The following HSDL1 variants were observed in gnomAD, a reference collection of about 807,000 sequenced individuals.
The protein encoded by HSDL1 is hydroxysteroid dehydrogenase like 1.
HSDL1 carries 29 observed loss-of-function variants against 31.5 expected under a neutral mutation model. That is an observed-to-expected ratio of 0.92 (90% confidence interval 0.69 to 1.26). The LOEUF (loss-of-function observed/expected upper bound fraction) is 1.26, where lower values mean the gene tolerates loss of function less well. Among genes scored for constraint, HSDL1 ranks in the 50% most tolerant of loss-of-function variants. The pLI is 0.00. For missense variants in HSDL1, 503 were observed against 416.6 expected (o/e 1.21, Z -1.81); for synonymous variants, 222 against 155.2 (o/e 1.43, Z -3.20).
rs913540747 is a variant in HSDL1 at position 84,123,709 on chromosome 16, G to C, written c.*921C>G. ...TACATAGAAAAACGTAGGAAAACCA[G>C]ATATAACAAGCTCTAAAGGGCTAAA... On this transcript the variant is annotated 3_prime_UTR_variant, in exon 6 of 6. Transcript: ENST00000219439. 2.9e-4 allele frequency: 45 copies of C among 152,696 alleles called. 1 individual carries two copies. Among genetic ancestry groups the C allele is most frequent in the Middle Eastern group, 3.4e-3 (1 of 294 alleles). The allele number at this position is 152,696 out of a possible 1,614,324, so 9.5% of individuals were successfully genotyped here.
chr16:84,144,252 G>A (rs2086811102), intron 1 of HSDL1: 1 of 152,148 alleles, frequency 6.6e-6, no homozygotes, highest in Admixed American at 6.6e-5. Context: ...TAGATGTAAA[G>A]TCGCACACCC....
chr16:84,130,600 G>C lies in HSDL1; in HGVS notation c.221-169C>G, dbSNP rs370912295. On this transcript the variant is annotated intron_variant, in intron 3 of 5. Transcript: ENST00000219439. Reference sequence around the variant, plus strand: ...ACTGTTGCTGAATGAGGAATGTGAAGGGCGCATGCTATACACTCTCCCAGA... The same window carrying C: ...ACTGTTGCTGAATGAGGAATGTGAACGGCGCATGCTATACACTCTCCCAGA... Among the ~76,000 whole-genome samples, 598 of 152,296 alleles carry C rather than the reference G, an allele frequency of 3.9e-3. 4 individuals are homozygous for C. Among genetic ancestry groups the C allele is most frequent in the African/African-American group, 0.013 (559 of 41,562 alleles).
In HSDL1 at chr16:84,131,280, G is replaced by A. The variant is rs765982932; in HGVS notation, c.42C>T (p.Ile14=). Residue 14 remains isoleucine (I), a synonymous_variant, in exon 3 of 6, where the codon ATC becomes ATT. Transcript: ENST00000219439. ...VDSFYLLYRE[I]ARSCNCYMEA... ...CCATATAGCAATTGCAAGACCTGGCGATTTCCCTGTACAAGAGGTAGAAAC... is the reference window on the plus strand; with the variant it reads ...CCATATAGCAATTGCAAGACCTGGCAATTTCCCTGTACAAGAGGTAGAAAC... 25 of 1,613,974 alleles carry A rather than the reference G, an allele frequency of 1.5e-5. No homozygotes were observed. Among genetic ancestry groups the A allele is most frequent in the East Asian group, 2.2e-5 (1 of 44,894 alleles).
intron 1 of HSDL1, among the ~76,000 whole-genome samples, chr16:84,140,333 C>G (rs150803605): frequency 0.034 from 5,217 of 152,240 alleles, 268 homozygotes; most frequent in African/African-American, 0.12. Context: ...GGTGCAATTT[C>G]TGCTCACTGC....
Position 84,131,977 on chromosome 16 carries a change from G to A in HSDL1, c.-6-650C>T, listed in dbSNP as rs546164004. ...ATTACAGGTGTGAGCCACCATGCCT[G>A]GAGATTCAGCCAATTTATGATCTCA... On this transcript the variant is annotated intron_variant, in intron 2 of 5. Coordinates refer to ENST00000219439, the MANE Select transcript of HSDL1 (RefSeq NM_031463.5). 2.0e-5 allele frequency among the ~76,000 whole-genome samples: 3 copies of A among 152,308 alleles called. No individual in the cohort carries two copies. In the East Asian group the frequency reaches 5.8e-4, roughly 29 times the overall value.
rs747658593 is a variant in HSDL1, at chr16:84,124,749, G to C, written c.895-21C>G. On this transcript the variant is annotated intron_variant, in intron 5 of 5. Transcript: ENST00000219439. Reference sequence around the variant, plus strand: ...AGAAACTAAAAATGAAAGAGAAAAAGGTTGTAAGGTTAGAACCCAAAATCA... The same window carrying C: ...AGAAACTAAAAATGAAAGAGAAAAACGTTGTAAGGTTAGAACCCAAAATCA... The C allele has an allele frequency of 3.2e-6, 5 of 1,571,650 alleles. No individual in the cohort carries two copies. The South Asian group carries it at 5.6e-5, about 18-fold the overall frequency.
chr16:84,131,496 TC>T (rs1252138988), intron 2 of HSDL1, among the ~76,000 whole-genome samples, 169 bp from the exon 3 acceptor site: 5 of 149,094 alleles, frequency 3.4e-5, no homozygotes, highest in African/African-American at 1.3e-4. Flanking sequence ...TATCTATCTA[TC>T]TATCTATCTA....
chr16:84,140,389 C>T lies in HSDL1; in HGVS notation c.-69+4691G>A, dbSNP rs534104666. 3.0e-4 allele frequency among the ~76,000 whole-genome samples: 45 copies of T among 152,110 alleles called. No homozygotes were observed. In the South Asian group the frequency reaches 9.4e-3, roughly 32 times the overall value. ...AAGCGTTTCTCCTGCCTCAGCCTCC[C>T]GAGTAGCTGGGACTACAGGTGCCCT... On this transcript the variant is annotated intron_variant, in intron 1 of 5. Coordinates refer to ENST00000219439, the MANE Select transcript of HSDL1 (RefSeq NM_031463.5).
rs1260784039 is a variant in HSDL1, at chr16:84,122,388, T to A, written c.*2242A>T. On this transcript the variant is annotated 3_prime_UTR_variant, in exon 6 of 6. Transcript: ENST00000219439. The stretch of plus-strand genomic sequence containing the variant: ...CTTTTTTTTTTTTTGAGACAGGGTC[T>A]CGCTCTGTCTCAAGGCTGGAGTGCA... 1 of 151,978 alleles carries A rather than the reference T, an allele frequency of 6.6e-6. No individual in the cohort carries two copies. Among genetic ancestry groups the A allele is most frequent in the East Asian group, 1.9e-4 (1 of 5,164 alleles). The allele number at this position is 151,978 out of a possible 1,614,324, so 9.4% of individuals were successfully genotyped here.
At chr16:84,141,987 G>T (rs2086773378) in intron 1 of HSDL1, among the ~76,000 whole-genome samples, 1 of 152,188 alleles carries the variant, frequency 6.6e-6, no homozygotes, top group Non-Finnish European at 1.5e-5. Context: ...ATGTGCAGTG[G>T]CATGATCACA....
intron 1 of HSDL1, among the ~76,000 whole-genome samples, chr16:84,142,154 G>A (rs1257418817): frequency 3.9e-5 from 6 of 151,980 alleles, no homozygotes; most frequent in African/African-American, 1.2e-4. Flanking sequence ...TCTCAAACTC[G>A]TAAGCTCAAA....
rs541604314 is a variant in HSDL1, at chr16:84,125,244, C to T, written c.895-516G>A. 573 of 148,918 alleles carry T rather than the reference C, an allele frequency of 3.8e-3. 1 individual carries two copies. Among genetic ancestry groups the T allele is most frequent in the South Asian group, 0.022 (121 of 5,410 alleles). 9.2% of individuals were successfully genotyped at this position (148,918 alleles called of 1,614,324 possible). On this transcript the variant is annotated intron_variant, in intron 5 of 5. Transcript: ENST00000219439. ...CACAACAAATACCCACCAATCACAA[C>T]AAATACCCACCAATCAATCACAACA...
chr16:84,140,398 G>A (rs149348428), intron 1 of HSDL1, among the ~76,000 whole-genome samples: 4,720 of 152,098 alleles, frequency 0.031, 217 homozygotes, highest in African/African-American at 0.11. Context: ...CCGAGTAGCT[G>A]GGACTACAGG....
intron 2 of HSDL1, among the ~76,000 whole-genome samples, chr16:84,135,047 C>A (rs893668402): frequency 3.9e-5 from 6 of 152,102 alleles, no homozygotes; most frequent in African/African-American, 1.4e-4. Context: ...TCCTGGCCAA[C>A]AGGGTGAAAC....
rs1567515871 is a variant in HSDL1 at position 84,122,270 on chromosome 16, GAACAA to G, written c.*2355_*2359del. On this transcript the variant is annotated 3_prime_UTR_variant, in exon 6 of 6. Coordinates refer to ENST00000219439, the MANE Select transcript of HSDL1 (RefSeq NM_031463.5). ...CAAACAACCAAATTACAAACATCTGGAACAAAACTCTTCCAAAGGAAACAAACAAC... is the reference window on the plus strand; with the variant it reads ...CAAACAACCAAATTACAAACATCTGGAACTCTTCCAAAGGAAACAAACAAC... 6.6e-6 allele frequency: 1 copy of G among 152,092 alleles called. No individual in the cohort carries two copies. The highest frequency in any genetic ancestry group is 2.4e-5 in the African/African-American group (1 of 41,278). 9.4% of individuals were successfully genotyped at this position (152,092 alleles called of 1,614,324 possible). A position where few individuals can be genotyped will look rare whatever the true frequency, so the allele number is the denominator to read the frequency against.
chr16:84,128,219 G>T (rs1363046258), intron 5 of HSDL1, among the ~76,000 whole-genome samples: 1 of 151,636 alleles, frequency 6.6e-6, no homozygotes, highest in Non-Finnish European at 1.5e-5. Flanking sequence ...AACCCGAGAG[G>T]TGGAGGTTGC....
At position 84,129,774 on chromosome 16, in the gene HSDL1, G is replaced by A; in HGVS notation, c.668C>T (p.Ala223Val). The A allele has an allele frequency of 6.2e-7, 1 of 1,610,280 alleles. No homozygotes were observed. Among genetic ancestry groups the A allele is most frequent in the Non-Finnish European group, 8.5e-7 (1 of 1,176,668 alleles). Residue 223 changes from alanine to valine, a missense_variant and splice_region_variant, in exon 5 of 6, where the codon GCT becomes GTT. Ala to Val is a moderately conservative substitution (Grantham distance 64). Transcript: ENST00000219439. ...PQLAAFSASK[A>V]YLDHFSRALQ... ...GGCTCTGCTGAAGTGGTCTAAATAA[G>A]CCTGTTGAGACAGAGGGGAGGAAAA...
intron 3 of HSDL1, 98 bp downstream of exon 3, chr16:84,131,004 A>G: frequency 1.1e-6 from 1 of 940,930 alleles, no homozygotes. Context: ...TTTTTTTATC[A>G]GCATGTTCCC....
intron 1 of HSDL1, among the ~76,000 whole-genome samples, chr16:84,139,068 A>G (rs1202336802): frequency 1.3e-5 from 2 of 152,240 alleles, no homozygotes; most frequent in African/African-American, 2.4e-5. Flanking sequence ...GTGGTGAAAG[A>G]ACACAAGGCA....
Sources: allele counts gnomAD v4.1 joint callset (sites outside exome capture counted in the v4.1 genomes callset), GRCh38; gene constraint gnomAD v4.1.1; transcripts MANE v1.5; gene names NCBI Gene and HGNC (gene_info 2026-07-23, HGNC 2026-07-21).